Variants in CCNB2 observed in about 807,000 individuals in gnomAD.
The protein encoded by CCNB2 is cyclin B2.
A neutral mutation model predicts 51.1 loss-of-function variants in CCNB2; 39 were observed. The ratio of observed to expected loss-of-function variants is 0.76; its 90% CI spans 0.59 to 1.00. The LOEUF (loss-of-function observed/expected upper bound fraction) is 1.00. CCNB2 is among the 50% of genes least tolerant of loss of function. The pLI, the probability that CCNB2 is intolerant of heterozygous loss-of-function variation, is 0.00. For synonymous variants in CCNB2, 174 were observed against 165.5 expected, an observed-to-expected ratio of 1.05 and a Z score of -0.40; for missense variants, 472 against 470.3, an observed-to-expected ratio of 1.00 and a Z score of -0.03.
rs1351918848 is a variant in CCNB2, at chr15:59,114,881, G to T, written c.597+5G>T. ...ATTATGGATCGATTTTTACAGGTAG[G>T]TGTGGCTTCAGGGACTTCACGCCAG... On this transcript the variant is annotated splice_donor_5th_base_variant and intron_variant, in intron 5 of 8. Coordinates refer to ENST00000288207, the MANE Select transcript of CCNB2 (RefSeq NM_004701.4). The T allele has an allele frequency of 1.9e-6, 3 of 1,609,728 alleles. No individual in the cohort carries two copies. Among genetic ancestry groups the T allele is most frequent in the Non-Finnish European group, 2.5e-6 (3 of 1,176,724 alleles).
intron 8 of CCNB2, 74 bp downstream of exon 8, chr15:59,123,701 G>GTGT: frequency 1.4e-6 from 1 of 711,420 alleles, no homozygotes; most frequent in African/African-American, 1.9e-5. Context: ...GGCGGGGGGG[G>GTGT]GCGGTGTGTG....
intron 6 of CCNB2, 60 bp downstream of exon 6, chr15:59,116,986 T>C: frequency 7.3e-7 from 1 of 1,370,520 alleles, no homozygotes; most frequent in South Asian, 1.2e-5. Flanking sequence ...CCAGAAACCT[T>C]GACCTAATTT....
At chr15:59,105,509 C>T (rs1334199227) in intron 1 of CCNB2, among the ~76,000 whole-genome samples, 4 of 152,366 alleles carry the variant, frequency 2.6e-5, no homozygotes, top group Middle Eastern at 3.4e-3. Flanking sequence ...CCCTCCCTGC[C>T]CCGGGGTGGG....
intron 3 of CCNB2, among the ~76,000 whole-genome samples, chr15:59,110,984 A>T (rs2079255244): frequency 6.6e-6 from 1 of 152,196 alleles, no homozygotes; most frequent in South Asian, 2.1e-4. Context: ...AGGACATAGG[A>T]GTAGAAGTAT....
intron 8 of CCNB2, 200 bp downstream of exon 8, chr15:59,123,827 T>C: frequency 1.9e-6 from 1 of 514,742 alleles, no homozygotes; most frequent in Non-Finnish European, 3.5e-6. Flanking sequence ...AAGCAAGCTT[T>C]ATTTGAAACA....
At chr15:59,124,643 C>T (rs1278648128) in intron 8 of CCNB2, 124 bp from the exon 9 acceptor site, 7 of 719,188 alleles carry the variant, frequency 9.7e-6, no homozygotes, top group Non-Finnish European at 1.7e-5. Flanking sequence ...CTGGCTTCAG[C>T]GATTGGGCAT....
intron 3 of CCNB2, among the ~76,000 whole-genome samples, chr15:59,109,071 G>A (rs910222290): frequency 6.6e-6 from 1 of 152,148 alleles, no homozygotes; most frequent in Admixed American, 6.5e-5. Context: ...TTTGGGGGGG[G>A]ACGGAGTCTT....
At chr15:59,108,887 T>TA (rs1215830962) in intron 3 of CCNB2, among the ~76,000 whole-genome samples, 1 of 152,216 alleles carries the variant, frequency 6.6e-6, no homozygotes, top group Non-Finnish European at 1.5e-5. Flanking sequence ...GGACTTCATT[T>TA]AAAAAGCCTT....
intron 7 of CCNB2, among the ~76,000 whole-genome samples, chr15:59,119,857 C>T (rs1201977969): frequency 6.6e-6 from 1 of 152,106 alleles, no homozygotes; most frequent in Non-Finnish European, 1.5e-5. Context: ...CAGCCACACG[C>T]CATCATGCCT....
chr15:59,107,742 T>C, intron 3 of CCNB2, 72 bp downstream of exon 3: 1 of 1,127,228 alleles, frequency 8.9e-7, no homozygotes, highest in South Asian at 1.3e-5. Context: ...AGGGTGCCTT[T>C]ATCATTGCTG....
chr15:59,120,655 ATAGAGT>A lies in CCNB2; in HGVS notation c.976-2857_976-2852del, dbSNP rs144659032. Reference sequence around the variant, plus strand: ...AATACCAGCTAATTAAAGTAGAATGATAGAGTTAGAAACCACTAATTTTCAACCTGT... The same window carrying A: ...AATACCAGCTAATTAAAGTAGAATGATAGAAACCACTAATTTTCAACCTGT... On this transcript the variant is annotated intron_variant, in intron 7 of 8. Transcript: ENST00000288207. 3.6e-3 allele frequency among the ~76,000 whole-genome samples: 545 copies of A among 152,354 alleles called. 3 individuals are homozygous for A. The highest frequency in any genetic ancestry group is 0.013 in the African/African-American group (524 of 41,580).
intron 7 of CCNB2, among the ~76,000 whole-genome samples, chr15:59,120,468 A>G (rs2079297763): frequency 1.3e-5 from 2 of 152,188 alleles, no homozygotes; most frequent in South Asian, 4.1e-4. Context: ...ATAGGAAGGA[A>G]GGGAAGGAGG....
chr15:59,108,682 G>A (rs1258163675), intron 3 of CCNB2, among the ~76,000 whole-genome samples: 1 of 152,210 alleles, frequency 6.6e-6, no homozygotes, highest in Non-Finnish European at 1.5e-5. Context: ...GAGGGCGGTA[G>A]CTTTGGTAAA....
At position 59,117,219 on chromosome 15, in the gene CCNB2, C is replaced by G; in HGVS notation, c.835-9C>G. 6.2e-7 allele frequency: 1 copy of G among 1,610,442 alleles called. No homozygotes were observed. The highest frequency in any genetic ancestry group is 1.1e-5 in the South Asian group (1 of 90,846). The stretch of plus-strand genomic sequence containing the variant: ...GTGATTCTTACTATCCCTTGCTGTT[C>G]TTTCTTAGGTTGATGTTGAACAGCA... On this transcript the variant is annotated splice_polypyrimidine_tract_variant and intron_variant, in intron 6 of 8. Coordinates refer to ENST00000288207, the MANE Select transcript of CCNB2 (RefSeq NM_004701.4).
chr15:59,121,931 CAAAAAAAAAAAAAAA>C (rs3052992), intron 7 of CCNB2, among the ~76,000 whole-genome samples: 2 of 14,094 alleles, frequency 1.4e-4, no homozygotes, highest in Non-Finnish European at 3.4e-4. Context: ...GACTCTGTCT[CAAAAAAAAAAAAAAA>C]AAAAAAAAAA....
chr15:59,107,344 T>C lies in CCNB2; in HGVS notation c.47T>C (p.Ile16Thr), dbSNP rs1300429324. The C allele has an allele frequency of 1.2e-6, 2 of 1,609,100 alleles. No individual in the cohort carries two copies. The highest frequency in any genetic ancestry group is 1.7e-5 in the Admixed American group (1 of 59,196). ...CAGGTGTCCAGTGATTTGGAGAATA[T>C]TGACACAGGAGTTAATTCTAAAGTT... ...RPTVSSDLENIDTGVNSKVKS... is the reference protein window; with the variant it reads ...RPTVSSDLENTDTGVNSKVKS... Residue 16 changes from isoleucine to threonine, a missense_variant, in exon 2 of 9, where the codon ATT (isoleucine) becomes ACT (threonine). By Grantham distance (89) the Ile-to-Thr change is moderately conservative (BLOSUM62 -1). Coordinates refer to ENST00000288207, the MANE Select transcript of CCNB2 (RefSeq NM_004701.4).
At chr15:59,114,369 A>G in intron 3 of CCNB2, 75 bp from the exon 4 acceptor site, 1 of 1,102,202 alleles carries the variant, frequency 9.1e-7, no homozygotes. Flanking sequence ...TATGATATTG[A>G]TATTTAAGCC....
intron 8 of CCNB2, 32 bp downstream of exon 8, chr15:59,123,659 A>C: frequency 8.5e-7 from 1 of 1,179,022 alleles, no homozygotes; most frequent in Non-Finnish European, 1.2e-6. Context: ...AGCTGTGGAA[A>C]GCTTTAGGTT....
At chr15:59,121,931 CAAAAAA>C (rs3052992) in intron 7 of CCNB2, among the ~76,000 whole-genome samples, 1,279 of 13,890 alleles carry the variant, frequency 0.092, 7 homozygotes, top group African/African-American at 0.16. Flanking sequence ...GACTCTGTCT[CAAAAAA>C]AAAAAAAAAA....
Sources: allele counts gnomAD v4.1 joint callset (sites outside exome capture counted in the v4.1 genomes callset), GRCh38; gene constraint gnomAD v4.1.1; transcripts MANE v1.5; gene names NCBI Gene and HGNC (gene_info 2026-07-23, HGNC 2026-07-21).